The following EVC variants were observed in gnomAD, a reference collection of about 807,000 sequenced individuals.
The protein encoded by EVC is evC complex member EVC.
In EVC, 116 loss-of-function variants were observed where a neutral mutation model predicts 118.9. That is an observed-to-expected ratio of 0.98 (90% confidence interval 0.84 to 1.14). EVC has a LOEUF of 1.14. Ranked by LOEUF, EVC falls within the 50% of genes most tolerant of loss-of-function variation. EVC has a pLI of 0.00. For missense variants in EVC, 1,401 were observed against 1,246.4 expected (o/e 1.12, Z -1.87); for synonymous variants, 619 against 534.7 (o/e 1.16, Z -2.18).
At chr4:5,780,341 A>T (rs899436233) in intron 11 of EVC, among the ~76,000 whole-genome samples, 14 of 152,338 alleles carry the variant, frequency 9.2e-5, no homozygotes, top group South Asian at 6.2e-4. Context: ...TTTTAAAAAA[A>T]CAATTATCCA....
In EVC at chr4:5,742,739, T is replaced by C. The variant is rs1302807623; in HGVS notation, c.801+925T>C. Among the ~76,000 whole-genome samples, 2 of 152,138 alleles carry C rather than the reference T, an allele frequency of 1.3e-5. No individual in the cohort carries two copies. The highest frequency in any genetic ancestry group is 4.8e-5 in the African/African-American group (2 of 41,430). On this transcript the variant is annotated intron_variant, in intron 6 of 20. Coordinates refer to ENST00000264956, the MANE Select transcript of EVC (RefSeq NM_153717.3). The surrounding 1 kb of genome is among the most constrained non-coding windows in gnomAD (Gnocchi z 5.2). ...ATCATCATCTTCATTACCACCATAA[T>C]CATCATCACCATCCTTATTGCCATC...
the EVC span, chr4:5,821,800 G>A: frequency 1.9e-6 from 3 of 1,611,306 alleles, no homozygotes; most frequent in Non-Finnish European, 2.5e-6. This position sits in a 1 kb window ranked among gnomAD's most constrained non-coding sequence, Gnocchi z 4.4. Context: ...ACCAGGGGGC[G>A]CCACGATGCG....
chr4:5,807,346 G>A (rs1431501229), intron 17 of EVC, among the ~76,000 whole-genome samples: 2 of 152,192 alleles, frequency 1.3e-5, no homozygotes, highest in Non-Finnish European at 2.9e-5. Flanking sequence ...GAGGAAAGGT[G>A]TTACTGGCGG....
chr4:5,720,707 G>A (rs1009020016), intron 2 of EVC, among the ~76,000 whole-genome samples: 8 of 152,174 alleles, frequency 5.3e-5, no homozygotes, highest in Non-Finnish European at 7.3e-5. Flanking sequence ...CAACGTGGAC[G>A]GGGGGAGAGA....
chr4:5,793,859 C>A, intron 13 of EVC, 142 bp downstream of exon 13: 1 of 714,706 alleles, frequency 1.4e-6, no homozygotes, highest in Non-Finnish European at 2.5e-6. Flanking sequence ...TTCTTAGCCT[C>A]GATTTCCTCA....
chr4:5,761,025 C>G (rs1434386550), intron 11 of EVC, among the ~76,000 whole-genome samples: 15 of 152,178 alleles, frequency 9.9e-5, no homozygotes, highest in Admixed American at 8.5e-4. Flanking sequence ...TCCTGATACT[C>G]CATAGGAGCA....
the EVC span, chr4:5,826,217 C>G: frequency 2.7e-5 from 4 of 149,846 alleles, no homozygotes; most frequent in African/African-American, 1.1e-4. Flanking sequence ...TACCACCTAC[C>G]CACCCCCGGA....
chr4:5,802,062 A>C lies in EVC; in HGVS notation c.2417A>C (p.Glu806Ala). 1.2e-6 allele frequency: 2 copies of C among 1,614,110 alleles called. No individual in the cohort carries two copies. ...QIGRIMEDHEERKLQHLKTLQ... is the reference protein window; with the variant it reads ...QIGRIMEDHEARKLQHLKTLQ... ...GGAAGGATCATGGAGGACCACGAGG[A>C]GAGAAAACTGCAGCACCTGAAGACC... Residue 806 changes from glutamate to alanine, a missense_variant, in exon 16 of 21, where the codon GAG becomes GCG. Transcript: ENST00000264956.
chr4:5,790,756 GAAACA>G, intron 12 of EVC, among the ~76,000 whole-genome samples: 1 of 152,288 alleles, frequency 6.6e-6, no homozygotes, highest in East Asian at 1.9e-4. Context: ...AAGACACTGT[GAAACA>G]AAACAAGACA....
rs955464820 is a variant in EVC at position 5,719,200 on chromosome 4, C to T, written c.175-48C>T. On this transcript the variant is annotated intron_variant, in intron 1 of 20. Transcript: ENST00000264956. This position sits in a 1 kb window ranked among gnomAD's most constrained non-coding sequence, Gnocchi z 4.7. ...CGGTGGGGACCAGGCCGACTGACCT[C>T]AATGTTGTGTTTCTATCCACCCCCA... 6.2e-7 allele frequency: 1 copy of T among 1,613,372 alleles called. No individual in the cohort carries two copies. Among genetic ancestry groups the T allele is most frequent in the African/African-American group, 1.3e-5 (1 of 74,908 alleles).
chr4:5,748,087 C>G (rs4688964), intron 7 of EVC, 61 bp from the exon 8 acceptor site: 3 of 1,579,210 alleles, frequency 1.9e-6, no homozygotes, highest in Non-Finnish European at 2.6e-6. Context: ...GAGCACGCAC[C>G]GTTTGGCTTT....
Position 5,762,736 on chromosome 4 carries a change from T to C in EVC, c.1563+6374T>C, listed in dbSNP as rs1423902018. ...TGTCTGTTCATGTCCTTTGCCCACT[T>C]TTTGATGGGGTTGTTTGTTTTTTTC... On this transcript the variant is annotated intron_variant, in intron 11 of 20. Coordinates refer to ENST00000264956, the MANE Select transcript of EVC (RefSeq NM_153717.3). Among the ~76,000 whole-genome samples, 14 of 120,276 alleles carry C rather than the reference T, an allele frequency of 1.2e-4. No homozygotes were observed. The East Asian group carries it at 3.5e-3, about 30-fold the overall frequency. 78.9% of individuals were successfully genotyped at this position (120,276 alleles called of 152,430 possible).
At chr4:5,794,376 C>CAT (rs1158428197) in intron 13 of EVC, among the ~76,000 whole-genome samples, 10 of 123,390 alleles carry the variant, frequency 8.1e-5, no homozygotes, top group Non-Finnish European at 8.7e-5. Flanking sequence ...TATTTATATA[C>CAT]ATATATATAT....
chr4:5,718,241 G>A (rs910878271), intron 1 of EVC, among the ~76,000 whole-genome samples: 1 of 151,878 alleles, frequency 6.6e-6, no homozygotes, highest in African/African-American at 2.4e-5. Context: ...ACAAGCCTCT[G>A]GTCACAACAT....
the EVC span, among the ~76,000 whole-genome samples, chr4:5,822,054 C>A: frequency 2.0e-5 from 3 of 148,642 alleles, no homozygotes; most frequent in Non-Finnish European, 3.0e-5. Flanking sequence ...TGGGCTCCCC[C>A]CACCTTCAGC....
At chr4:5,722,225 C>T (rs1475800754) in intron 2 of EVC, among the ~76,000 whole-genome samples, 1 of 152,164 alleles carries the variant, frequency 6.6e-6, no homozygotes, top group African/African-American at 2.4e-5. Context: ...ACGTTCCTGC[C>T]ACGGAATAAG....
chr4:5,772,655 T>C (rs1734159038), intron 11 of EVC, among the ~76,000 whole-genome samples: 1 of 152,090 alleles, frequency 6.6e-6, no homozygotes, highest in South Asian at 2.1e-4. Context: ...GCCTGACCTA[T>C]GACGCTTCCA....
chr4:5,748,328 G>T, intron 8 of EVC, 22 bp downstream of exon 8: 3 of 1,613,520 alleles, frequency 1.9e-6, no homozygotes, highest in Non-Finnish European at 2.5e-6. Flanking sequence ...GGGGGCGGGA[G>T]GGAACATAAA....
At chr4:5,786,968 C>G (rs1711771254) in intron 12 of EVC, among the ~76,000 whole-genome samples, 1 of 151,912 alleles carries the variant, frequency 6.6e-6, no homozygotes, top group Non-Finnish European at 1.5e-5. Context: ...CTCTGTCATT[C>G]AGATGAATAT....
Sources: gnomAD v4.1 joint callset for allele counts (sites outside exome capture counted in the v4.1 genomes callset) on GRCh38, gnomAD v4.1.1 for gene constraint, Gnocchi (gnomAD v3.1) non-coding constraint, MANE v1.5 for transcripts, NCBI Gene and HGNC (gene_info 2026-07-23, HGNC 2026-07-21) for gene names.